Variants in PSMA3 observed in about 807,000 individuals in gnomAD.
PSMA3 encodes proteasome subunit alpha type-3.
Under a neutral mutation model 40.0 loss-of-function variants are expected in PSMA3, and 8 were observed. That is an observed-to-expected ratio of 0.20 (90% CI 0.12 to 0.36). The LOEUF (loss-of-function observed/expected upper bound fraction) is 0.36. Among genes scored for constraint, PSMA3 ranks in the 10% least tolerant of loss-of-function variants. PSMA3 has a pLI of 1.00. For synonymous variants in PSMA3, 110 were observed against 100.0 expected, an observed-to-expected ratio of 1.10 and a Z score of -0.59; for missense variants, 219 against 310.6, an observed-to-expected ratio of 0.70 and a Z score of 2.22.
rs1010996105 is a variant in PSMA3, at chr14:58,267,254, G to A, written c.544-220G>A. The A allele has an allele frequency of 1.3e-5, 10 of 770,476 alleles. No individual in the cohort carries two copies. The African/African-American group carries it at 1.5e-4, about 11-fold the overall frequency. The allele number at this position is 770,476 out of a possible 1,614,324, so 47.7% of individuals were successfully genotyped here. A position where few individuals can be genotyped will look rare whatever the true frequency, so the allele number is the denominator to read the frequency against. On this transcript the variant is annotated intron_variant, in intron 7 of 10. Transcript: ENST00000216455. ...TGACTTCAGGCAATCCGGCCGCCTCGGCCTCCCAAAGTGCTGGGATTACAG... is the reference window on the plus strand; with the variant it reads ...TGACTTCAGGCAATCCGGCCGCCTCAGCCTCCCAAAGTGCTGGGATTACAG...
intron 2 of PSMA3, among the ~76,000 whole-genome samples, chr14:58,250,330 C>T (rs1260731890): frequency 6.6e-6 from 1 of 151,918 alleles, no homozygotes; most frequent in Non-Finnish European, 1.5e-5. Flanking sequence ...CCTGAGGTTA[C>T]ATTCTGACCT....
rs1490124851 is a variant in PSMA3 at position 58,253,873 on chromosome 14, C to T, written c.228+1631C>T. On this transcript the variant is annotated intron_variant, in intron 3 of 10. Coordinates refer to ENST00000216455, the MANE Select transcript of PSMA3 (RefSeq NM_002788.4). ...CCTCCCAAAGTGCTGGGATTATAGG[C>T]GTGAGCCAGCGTGCCCAGCCTAGCA... is the stretch of plus-strand genomic sequence containing the variant. 5.9e-5 allele frequency among the ~76,000 whole-genome samples: 9 copies of T among 152,198 alleles called. 1 individual carries two copies. Among genetic ancestry groups the T allele is most frequent in the South Asian group, 2.1e-4 (1 of 4,836 alleles).
chr14:58,266,579 A>C (rs1475397926), intron 7 of PSMA3: 1 of 152,210 alleles, frequency 6.6e-6, no homozygotes, highest in Non-Finnish European at 1.5e-5. Context: ...TGATTTCCAA[A>C]TGTTCATTGA....
rs1432256994 is a variant in PSMA3, at chr14:58,252,176, CCTTT to C, written c.165_168del (p.Ser56AsnfsTer22). 6.2e-7 allele frequency: 1 copy of C among 1,612,890 alleles called. No homozygotes were observed. The highest frequency in any genetic ancestry group is 1.3e-5 in the African/African-American group (1 of 74,860). ...TTGTCTTTGGGGTAGAAAAATTAGT[CCTTT>C]CTAAACTTTATGAAGAAGGTTCCAA... On this transcript the variant is annotated frameshift_variant, in exon 3 of 11. Transcript: ENST00000216455. LOFTEE classifies it high-confidence loss of function.
At chr14:58,252,084 C>T in intron 2 of PSMA3, 35 bp from the exon 3 acceptor site, 5 of 1,547,822 alleles carry the variant, frequency 3.2e-6, no homozygotes, top group Admixed American at 2.3e-5. Context: ...CTTTTATTTT[C>T]AGTTAAAAAA....
chr14:58,259,121 G>A lies in PSMA3; in HGVS notation c.404+1123G>A, dbSNP rs558112906. 1.7e-4 allele frequency among the ~76,000 whole-genome samples: 26 copies of A among 151,938 alleles called. No homozygotes were observed. In the South Asian group the frequency reaches 4.2e-3, roughly 24 times the overall value. On this transcript the variant is annotated intron_variant, in intron 5 of 10. Transcript: ENST00000216455. ...TAACAAAATTTTTTTTTGTAGAGAC[G>A]GGGTCTCACCATGCTGCCCAGGCTG... is the stretch of plus-strand genomic sequence containing the variant.
At chr14:58,257,362 G>T (rs370138967) in intron 3 of PSMA3, among the ~76,000 whole-genome samples, 108 of 151,594 alleles carry the variant, frequency 7.1e-4, no homozygotes, top group African/African-American at 2.6e-3. Flanking sequence ...GCCGGGCGTG[G>T]TGGCAGGCGC....
chr14:58,270,071 A>ACTC, intron 8 of PSMA3: 1 of 173,762 alleles, frequency 5.8e-6, no homozygotes, highest in Non-Finnish European at 1.2e-5. Context: ...CTAGTCTCGA[A>ACTC]CTGACCTCAA....
At chr14:58,245,014 T>G in intron 1 of PSMA3, 73 bp downstream of exon 1, 1 of 1,606,940 alleles carries the variant, frequency 6.2e-7, no homozygotes. Context: ...ACAGACCACA[T>G]GGGGTTCGCG....
intron 3 of PSMA3, among the ~76,000 whole-genome samples, chr14:58,256,880 A>T (rs932345001): frequency 6.6e-6 from 1 of 150,960 alleles, no homozygotes; most frequent in Non-Finnish European, 1.5e-5. Context: ...ACATTTTGGG[A>T]GGCTGAGGCA....
intron 3 of PSMA3, among the ~76,000 whole-genome samples, chr14:58,256,034 T>C (rs1890137130): frequency 2.6e-5 from 4 of 152,028 alleles, no homozygotes; most frequent in Non-Finnish European, 5.9e-5. Context: ...AATTTTTGTA[T>C]TTTTAGTAGG....
intron 6 of PSMA3, among the ~76,000 whole-genome samples, chr14:58,262,242 G>A (rs977979499): frequency 2.6e-5 from 4 of 152,016 alleles, no homozygotes; most frequent in Non-Finnish European, 4.4e-5. Context: ...TTTTGTTTCA[G>A]ACAGCGTCTC....
intron 5 of PSMA3, among the ~76,000 whole-genome samples, chr14:58,259,992 G>A (rs1020035370): frequency 6.6e-6 from 1 of 152,234 alleles, no homozygotes; most frequent in Non-Finnish European, 1.5e-5. Context: ...TGAAGGATAA[G>A]TCTCATATCG....
chr14:58,268,768 C>T (rs534399514), intron 8 of PSMA3: 22 of 152,200 alleles, frequency 1.4e-4, no homozygotes, highest in African/African-American at 4.6e-4. Flanking sequence ...GGAAAGCCAT[C>T]CCTTCATCAT....
chr14:58,255,414 T>C (rs528278662), intron 3 of PSMA3, among the ~76,000 whole-genome samples: 2 of 152,320 alleles, frequency 1.3e-5, no homozygotes, highest in South Asian at 4.1e-4. Flanking sequence ...TTGAAAGGAA[T>C]GTAGTAAAAC....
chr14:58,260,410 T>C (rs111301091), intron 5 of PSMA3, among the ~76,000 whole-genome samples: 1 of 152,242 alleles, frequency 6.6e-6, no homozygotes, highest in African/African-American at 2.4e-5. Flanking sequence ...GCAGAACTCA[T>C]GGAAACAGTG....
intron 7 of PSMA3, chr14:58,265,916 A>G (rs1278444124): frequency 6.6e-6 from 1 of 152,144 alleles, no homozygotes; most frequent in African/African-American, 2.4e-5. Context: ...CCCCTCCCCC[A>G]TGAACTATTT....
intron 2 of PSMA3, among the ~76,000 whole-genome samples, chr14:58,248,257 T>G (rs1889921678): frequency 6.6e-6 from 1 of 152,210 alleles, no homozygotes; most frequent in Non-Finnish European, 1.5e-5. Context: ...GAGACCTGAG[T>G]CTCACTCTGT....
At chr14:58,248,996 A>G (rs557497593) in intron 2 of PSMA3, among the ~76,000 whole-genome samples, 2 of 152,118 alleles carry the variant, frequency 1.3e-5, no homozygotes, top group African/African-American at 4.8e-5. Flanking sequence ...ACGTAGTTTC[A>G]CTCTTGTTGC....
Sources: allele counts gnomAD v4.1 joint callset (sites outside exome capture counted in the v4.1 genomes callset), GRCh38; gene constraint gnomAD v4.1.1; transcripts MANE v1.5; gene names NCBI Gene and HGNC (gene_info 2026-07-23, HGNC 2026-07-21).